TSGA10: variants seen among roughly 807,000 people sequenced by gnomAD.
TSGA10 encodes the protein testis specific 10.
In TSGA10, 43 loss-of-function variants were observed where a neutral mutation model predicts 96.6. The observed-to-expected ratio is 0.44, with a 90% confidence interval of 0.35 to 0.57. TSGA10 has a LOEUF of 0.57. Ranked by LOEUF, TSGA10 falls within the 20% of genes least tolerant of loss-of-function variation. The pLI is 0.01. For synonymous variants in TSGA10, 229 were observed against 269.9 expected, an observed-to-expected ratio of 0.85 and a Z score of 1.48; for missense variants, 703 against 834.4, an observed-to-expected ratio of 0.84 and a Z score of 1.94.
intron 1 of TSGA10, among the ~76,000 whole-genome samples, chr2:99,127,855 C>T (rs2092909298): frequency 6.6e-6 from 1 of 152,140 alleles, no homozygotes; most frequent in African/African-American, 2.4e-5. Flanking sequence ...GACAAATGCA[C>T]ATAGCTTCTG....
chr2:99,034,026 C>T (rs764095246), intron 17 of TSGA10, among the ~76,000 whole-genome samples: 12 of 152,120 alleles, frequency 7.9e-5, no homozygotes, highest in Non-Finnish European at 1.5e-4. Flanking sequence ...TCACAAAAGA[C>T]CCCTGAACTT....
At chr2:99,042,910 G>T (rs1174696030) in intron 16 of TSGA10, among the ~76,000 whole-genome samples, 2 of 151,932 alleles carry the variant, frequency 1.3e-5, no homozygotes, top group African/African-American at 4.8e-5. Context: ...TGTTGGCCAG[G>T]CTGGTCTCAA....
At chr2:99,142,653 G>A (rs2093581747) in intron 1 of TSGA10, among the ~76,000 whole-genome samples, 1 of 152,096 alleles carries the variant, frequency 6.6e-6, no homozygotes, top group South Asian at 2.1e-4. Context: ...GAGGACACAA[G>A]GAGCACATAT....
intron 10 of TSGA10, among the ~76,000 whole-genome samples, chr2:99,084,991 T>G (rs759459786): frequency 6.6e-6 from 1 of 151,724 alleles, no homozygotes; most frequent in Non-Finnish European, 1.5e-5. Flanking sequence ...GTGGCTCATG[T>G]CTGTAATCCC....
chr2:99,101,060 G>C (rs1195804185), intron 10 of TSGA10, among the ~76,000 whole-genome samples: 1 of 149,984 alleles, frequency 6.7e-6, no homozygotes, highest in Non-Finnish European at 1.5e-5. Context: ...TCAGGAGATT[G>C]AGACCATCCT....
At chr2:99,039,238 C>A (rs1206755350) in intron 16 of TSGA10, among the ~76,000 whole-genome samples, 1 of 148,618 alleles carries the variant, frequency 6.7e-6, no homozygotes, top group Non-Finnish European at 1.5e-5. Context: ...GAAACAAGAA[C>A]AAACCAAACT....
intron 3 of TSGA10, 56 bp downstream of exon 3, chr2:99,118,495 A>T: frequency 1.6e-6 from 1 of 636,918 alleles, no homozygotes; most frequent in Non-Finnish European, 2.0e-6. Flanking sequence ...ATATACGTAT[A>T]TATATGTGTA....
At position 99,122,615 on chromosome 2, in the gene TSGA10, C is replaced by CAA. The variant is rs148224475; in HGVS notation, c.-491-3931_-491-3930dup. Among the ~76,000 whole-genome samples, 440 of 53,272 alleles carry CAA rather than the reference C, an allele frequency of 8.3e-3. 49 individuals are homozygous for CAA. The Admixed American group carries it at 0.083, about 10-fold the overall frequency. 34.9% of individuals were successfully genotyped at this position (53,272 alleles called of 152,430 possible). A position where few individuals can be genotyped will look rare whatever the true frequency, so the allele number is the denominator to read the frequency against. The stretch of plus-strand genomic sequence containing the variant: ...AAACATGGCAAAACTCCATCTCTAC[C>CAA]AAAAAAAAAAAAAAAAAAAAAAAAA... On this transcript the variant is annotated intron_variant, in intron 2 of 20. Transcript: ENST00000393483.
At chr2:99,008,815 T>G (rs986613569) in intron 20 of TSGA10, among the ~76,000 whole-genome samples, 6 of 152,222 alleles carry the variant, frequency 3.9e-5, no homozygotes, top group Non-Finnish European at 7.3e-5. Flanking sequence ...GGTACATCCA[T>G]ACACTGGAGT....
At chr2:98,998,592 A>G (rs2077632380) in intron 20 of TSGA10, among the ~76,000 whole-genome samples, 1 of 152,230 alleles carries the variant, frequency 6.6e-6, no homozygotes, top group Non-Finnish European at 1.5e-5. Context: ...GGTCAGGGCT[A>G]CAACTATAAA....
intron 15 of TSGA10, 146 bp downstream of exon 15, chr2:99,068,742 T>C (rs900084577): frequency 2.5e-6 from 1 of 396,496 alleles, no homozygotes; most frequent in African/African-American, 2.1e-5. Context: ...ATTCTAAATA[T>C]GTAGTTAACC....
At chr2:99,049,178 C>T (rs879021722) in intron 16 of TSGA10, among the ~76,000 whole-genome samples, 1 of 152,094 alleles carries the variant, frequency 6.6e-6, no homozygotes, top group Admixed American at 6.6e-5. Flanking sequence ...GTGGTGATTC[C>T]TCAAGGATTT....
intron 20 of TSGA10, among the ~76,000 whole-genome samples, chr2:99,004,890 T>C (rs1361530997): frequency 6.6e-6 from 1 of 152,180 alleles, no homozygotes; most frequent in Non-Finnish European, 1.5e-5. Context: ...GCAAAACTCC[T>C]CAATAAAATA....
At chr2:99,132,528 G>A (rs1222850811) in intron 1 of TSGA10, among the ~76,000 whole-genome samples, 7 of 151,386 alleles carry the variant, frequency 4.6e-5, no homozygotes, top group African/African-American at 1.7e-4. Context: ...CTGGCTAGCG[G>A]TCTATTTTGT....
chr2:99,092,668 C>T (rs1233225300), intron 10 of TSGA10, among the ~76,000 whole-genome samples: 2 of 151,996 alleles, frequency 1.3e-5, no homozygotes. Context: ...AACTAGAAAA[C>T]CTAGAGGAGA....
At chr2:99,133,813 T>C (rs772177972) in intron 1 of TSGA10, among the ~76,000 whole-genome samples, 13 of 152,358 alleles carry the variant, frequency 8.5e-5, no homozygotes, top group Non-Finnish European at 1.6e-4. Flanking sequence ...TGCTTATCTG[T>C]AAAAGATTTT....
chr2:99,093,145 CA>C (rs1284114771), intron 10 of TSGA10, among the ~76,000 whole-genome samples: 4 of 151,988 alleles, frequency 2.6e-5, no homozygotes, highest in Non-Finnish European at 4.4e-5. Context: ...GAATAAAAAA[CA>C]AAAATCACAT....
In TSGA10 at chr2:99,018,285, T is replaced by C. The variant is rs148816283; in HGVS notation, c.1987A>G (p.Thr663Ala). Residue 663 changes from threonine to alanine, a missense_variant, in exon 20 of 21, where the codon ACA becomes GCA. Thr to Ala is a moderately conservative substitution (Grantham distance 58). This residue lies in a region of TSGA10 where 69 missense variants were observed against 81.3 expected (regional missense o/e 0.85). Coordinates refer to ENST00000393483, the MANE Select transcript of TSGA10 (RefSeq NM_025244.4). ...TGACATTTTGTATTTGGCTTCATTG[T>C]AGAACTCATATGATAAGCATTACTT... ...YSSNAYHMSSTMKPNTKCHSP... is the reference protein window; with the variant it reads ...YSSNAYHMSSAMKPNTKCHSP... The C allele has an allele frequency of 1.8e-5, 29 of 1,614,078 alleles. No individual in the cohort carries two copies. The South Asian group carries it at 3.2e-4, about 18-fold the overall frequency.
At chr2:99,046,387 T>G (rs1448304376) in intron 16 of TSGA10, among the ~76,000 whole-genome samples, 1 of 152,170 alleles carries the variant, frequency 6.6e-6, no homozygotes, top group African/African-American at 2.4e-5. Context: ...CAGACCACAG[T>G]GCAATCAACT....
Sources: gnomAD v4.1 joint callset for allele counts (sites outside exome capture counted in the v4.1 genomes callset) on GRCh38, gnomAD v4.1.1 for gene constraint, gnomAD v4.1.1 regional missense constraint, MANE v1.5 for transcripts, NCBI Gene and HGNC (gene_info 2026-07-23, HGNC 2026-07-21) for gene names.